PPP2R2C: variants seen among roughly 807,000 people sequenced by gnomAD.
PPP2R2C encodes protein phosphatase 2 regulatory subunit Bgamma, also known as protein phosphatase 2, regulatory subunit B, gamma.
A neutral mutation model predicts 45.3 loss-of-function variants in PPP2R2C; 10 were observed. The ratio of observed to expected loss-of-function variants is 0.22; its 90% CI spans 0.14 to 0.37. The LOEUF (loss-of-function observed/expected upper bound fraction) is 0.37, where lower values mean the gene tolerates loss of function less well. Ranked by LOEUF, PPP2R2C falls within the 10% of genes least tolerant of loss-of-function variation. The probability of loss-of-function intolerance (pLI) is 1.00; values close to 1 mark genes in which losing one functional copy is unlikely to be tolerated. For synonymous variants in PPP2R2C, 257 were observed against 245.4 expected (o/e 1.05, Z -0.44); for missense variants, 308 against 619.7 (o/e 0.50, Z 5.34).
intron 1 of PPP2R2C, among the ~76,000 whole-genome samples, chr4:6,554,904 A>AAGGG (rs1725315917): frequency 1.3e-5 from 1 of 76,934 alleles, no homozygotes; most frequent in Non-Finnish European, 2.7e-5. Flanking sequence ...GGAAGGAAGG[A>AAGGG]AGGAAGGAAG....
chr4:6,500,716 A>G (rs1190066195), intron 2 of PPP2R2C, among the ~76,000 whole-genome samples: 1 of 152,226 alleles, frequency 6.6e-6, no homozygotes, highest in Non-Finnish European at 1.5e-5. Flanking sequence ...CTGGACCCCA[A>G]ATGACAAATA....
intron 2 of PPP2R2C, among the ~76,000 whole-genome samples, chr4:6,528,034 C>T (rs1018140356): frequency 6.6e-6 from 1 of 152,268 alleles, no homozygotes; most frequent in African/African-American, 2.4e-5. Flanking sequence ...GATGAAGAAT[C>T]TCAGGACGGT....
At chr4:6,356,118 C>T (rs1047108174) in intron 5 of PPP2R2C, among the ~76,000 whole-genome samples, 3 of 152,116 alleles carry the variant, frequency 2.0e-5, no homozygotes, top group Non-Finnish European at 4.4e-5. Flanking sequence ...TCCACTGCAC[C>T]TGCTCCAAGG....
chr4:6,399,227 T>C (rs1190781412), intron 1 of PPP2R2C, among the ~76,000 whole-genome samples: 2 of 152,230 alleles, frequency 1.3e-5, no homozygotes, highest in African/African-American at 4.8e-5. Context: ...GTCTACACTT[T>C]AAGGGGATGG....
At chr4:6,478,705 C>T (rs1314601670) in intron 2 of PPP2R2C, among the ~76,000 whole-genome samples, 1 of 152,360 alleles carries the variant, frequency 6.6e-6, no homozygotes, top group East Asian at 1.9e-4. Flanking sequence ...CACATGACAG[C>T]CCTGCCTCAG....
intron 1 of PPP2R2C, among the ~76,000 whole-genome samples, chr4:6,449,544 T>C (rs930320512): frequency 3.3e-5 from 5 of 151,736 alleles, no homozygotes; most frequent in African/African-American, 1.2e-4. Context: ...GCCTGGCCCC[T>C]GTCGGGAGGG....
upstream of PPP2R2C, among the ~76,000 whole-genome samples, chr4:6,476,161 G>A (rs943582575): frequency 2.0e-5 from 3 of 152,144 alleles, no homozygotes; most frequent in African/African-American, 4.8e-5. Flanking sequence ...AGCCCAAGCC[G>A]ACTGCACAAA....
intron 1 of PPP2R2C, among the ~76,000 whole-genome samples, chr4:6,398,750 A>C (rs1239486695): frequency 2.0e-5 from 3 of 152,210 alleles, no homozygotes; most frequent in Non-Finnish European, 4.4e-5. Flanking sequence ...CCTTGTAACC[A>C]AGAGTCACGA....
chr4:6,355,414 T>C (rs550471202), intron 5 of PPP2R2C, among the ~76,000 whole-genome samples: 1 of 152,230 alleles, frequency 6.6e-6, no homozygotes, highest in Admixed American at 6.5e-5. Flanking sequence ...ATAGACCTAA[T>C]GCTAGATGAC....
chr4:6,460,147 T>A (rs1186952992), intron 1 of PPP2R2C, among the ~76,000 whole-genome samples: 1 of 152,176 alleles, frequency 6.6e-6, no homozygotes, highest in Non-Finnish European at 1.5e-5. Context: ...TGGGCTGAAA[T>A]GTGCCCCCTC....
intron 2 of PPP2R2C, among the ~76,000 whole-genome samples, chr4:6,479,491 G>A (rs1296550285): frequency 7.3e-6 from 1 of 136,548 alleles, no homozygotes; most frequent in Non-Finnish European, 1.5e-5. Flanking sequence ...CCAAGACCCA[G>A]CAAATGAAGA....
intron 2 of PPP2R2C, chr4:6,535,202 C>T: frequency 6.7e-7 from 1 of 1,495,160 alleles, no homozygotes; most frequent in East Asian, 2.5e-5. Context: ...TGTCGGGCGC[C>T]TGTGACCCAC....
At chr4:6,518,573 A>C (rs1445940653) in intron 2 of PPP2R2C, among the ~76,000 whole-genome samples, 1 of 152,224 alleles carries the variant, frequency 6.6e-6, no homozygotes, top group East Asian at 1.9e-4. Context: ...CTTAAATGAT[A>C]CAATCTGCCA....
chr4:6,468,353 T>C (rs907974198), intron 1 of PPP2R2C, among the ~76,000 whole-genome samples: 2 of 152,108 alleles, frequency 1.3e-5, no homozygotes, highest in Non-Finnish European at 2.9e-5. Flanking sequence ...TCCTCAACTA[T>C]AAAATCAGGA....
chr4:6,397,226 C>G (rs967962087), intron 1 of PPP2R2C, among the ~76,000 whole-genome samples: 5 of 152,232 alleles, frequency 3.3e-5, no homozygotes, highest in African/African-American at 1.2e-4. Context: ...AGCCCCTACC[C>G]ATGCCATCCC....
intron 2 of PPP2R2C, among the ~76,000 whole-genome samples, chr4:6,485,695 C>T (rs1186904646): frequency 1.3e-5 from 2 of 151,798 alleles, no homozygotes; most frequent in African/African-American, 4.8e-5. Flanking sequence ...ATTTTAATGA[C>T]TGCTGAATAT....
At chr4:6,512,308 G>C (rs371170652) in intron 2 of PPP2R2C, among the ~76,000 whole-genome samples, 1 of 112,362 alleles carries the variant, frequency 8.9e-6, no homozygotes, top group African/African-American at 3.5e-5. Flanking sequence ...GGTGGTGGTG[G>C]TGGTGATTAT....
At chr4:6,465,357 T>C (rs576575219) in intron 1 of PPP2R2C, among the ~76,000 whole-genome samples, 1 of 152,234 alleles carries the variant, frequency 6.6e-6, no homozygotes, top group Non-Finnish European at 1.5e-5. Flanking sequence ...GGACATTTAA[T>C]ATTGTAACCC....
chr4:6,483,196 T>C (rs887992098), intron 2 of PPP2R2C, among the ~76,000 whole-genome samples: 1 of 152,188 alleles, frequency 6.6e-6, no homozygotes, highest in Non-Finnish European at 1.5e-5. Context: ...TTTGCTAATA[T>C]CTTTGAGTTT....
Sources: allele counts gnomAD v4.1 joint callset (sites outside exome capture counted in the v4.1 genomes callset), GRCh38; gene constraint gnomAD v4.1.1; transcripts MANE v1.5; gene names NCBI Gene and HGNC (gene_info 2026-07-23, HGNC 2026-07-21).